STAG1: variants seen among roughly 807,000 people sequenced by gnomAD.
STAG1 encodes STAG1 cohesin complex component, also known as cohesin subunit SA-1.
In STAG1, 26 loss-of-function variants were observed where a neutral mutation model predicts 170.9. The observed-to-expected ratio is 0.15, with a 90% confidence interval of 0.11 to 0.21. The LOEUF (loss-of-function observed/expected upper bound fraction) is 0.21. Among genes scored for constraint, STAG1 ranks in the 10% least tolerant of loss-of-function variants. The pLI, the probability that STAG1 is intolerant of heterozygous loss-of-function variation, is 1.00. For synonymous variants in STAG1, 514 were observed against 497.7 expected (o/e 1.03, Z -0.44); for missense variants, 964 against 1,509.5 (o/e 0.64, Z 5.99).
At chr3:136,577,098 C>T (rs931501713) in intron 4 of STAG1, among the ~76,000 whole-genome samples, 1 of 152,166 alleles carries the variant, frequency 6.6e-6, no homozygotes, top group Non-Finnish European at 1.5e-5. Context: ...TGAAAGCTTA[C>T]ATGGCTGCTG....
intron 1 of STAG1, among the ~76,000 whole-genome samples, chr3:136,694,315 C>G (rs2107900799): frequency 6.6e-6 from 1 of 152,192 alleles, no homozygotes; most frequent in African/African-American, 2.4e-5. Context: ...CATGAGTACA[C>G]TGATAAAGAT....
At chr3:136,534,529 C>T (rs960695828) in intron 6 of STAG1, among the ~76,000 whole-genome samples, 4 of 151,656 alleles carry the variant, frequency 2.6e-5, no homozygotes, top group Non-Finnish European at 5.9e-5. Context: ...AAGACTAATA[C>T]TGAAAATAAA....
Position 136,425,368 on chromosome 3 carries a change from G to A in STAG1, c.1651-2324C>T, listed in dbSNP as rs572215235. On this transcript the variant is annotated intron_variant, in intron 16 of 33. Coordinates refer to ENST00000383202, the MANE Select transcript of STAG1 (RefSeq NM_005862.3). The stretch of plus-strand genomic sequence containing the variant: ...TAAAAGATTGGGGGGTGAGTGGGTG[G>A]AATGTGAAATATGAATATATATATC... Among the ~76,000 whole-genome samples, 37 of 152,172 alleles carry A rather than the reference G, an allele frequency of 2.4e-4. No homozygotes were observed. The South Asian group carries it at 7.1e-3, about 29-fold the overall frequency.
At chr3:136,389,777 C>T (rs111730376) in intron 22 of STAG1, among the ~76,000 whole-genome samples, 8,593 of 151,578 alleles carry the variant, frequency 0.057, 322 homozygotes, top group Non-Finnish European at 0.087. Context: ...ATCTTGGCCT[C>T]CCAAAGTTCT....
intron 4 of STAG1, among the ~76,000 whole-genome samples, chr3:136,596,285 G>A (rs925541102): frequency 5.3e-5 from 8 of 152,144 alleles, no homozygotes; most frequent in African/African-American, 1.9e-4. Context: ...AACTACCACA[G>A]CCACTTGATC....
chr3:136,701,932 C>T (rs1415527744), intron 1 of STAG1, among the ~76,000 whole-genome samples: 1 of 151,736 alleles, frequency 6.6e-6, no homozygotes, highest in Admixed American at 6.6e-5. Context: ...ATTTTAACTG[C>T]TAAGTCAAAC....
chr3:136,653,012 C>T (rs945052051), intron 1 of STAG1, among the ~76,000 whole-genome samples: 22 of 152,258 alleles, frequency 1.4e-4, no homozygotes, highest in African/African-American at 2.6e-4. Flanking sequence ...CAGTGGTTCA[C>T]GCCTGTAATC....
chr3:136,507,250 T>C (rs1387086067), intron 7 of STAG1, among the ~76,000 whole-genome samples: 1 of 152,252 alleles, frequency 6.6e-6, no homozygotes, highest in African/African-American at 2.4e-5. Context: ...TATTTGCATA[T>C]AACATGTTTA....
intron 30 of STAG1, 28 bp downstream of exon 30, chr3:136,343,804 G>T: frequency 6.7e-7 from 1 of 1,490,476 alleles, no homozygotes; most frequent in Non-Finnish European, 9.0e-7. Context: ...AAGGCTTTTT[G>T]TGAAAAAGAC....
At chr3:136,492,166 A>T (rs2090136598) in intron 9 of STAG1, among the ~76,000 whole-genome samples, 1 of 152,240 alleles carries the variant, frequency 6.6e-6, no homozygotes, top group South Asian at 2.1e-4. Context: ...ATACTTATGG[A>T]AATTAATGAT....
At chr3:136,603,652 A>C (rs1938792871) in intron 4 of STAG1, among the ~76,000 whole-genome samples, 1 of 152,292 alleles carries the variant, frequency 6.6e-6, no homozygotes, top group South Asian at 2.1e-4. Context: ...TGGGAGGCCG[A>C]GGCAGGTGGA....
At chr3:136,660,617 A>G (rs759822149) in intron 1 of STAG1, among the ~76,000 whole-genome samples, 1 of 152,178 alleles carries the variant, frequency 6.6e-6, no homozygotes, top group Non-Finnish European at 1.5e-5. Flanking sequence ...TGTGATAGAA[A>G]ATCCTGTTTC....
At chr3:136,610,587 T>C (rs917057439) in intron 3 of STAG1, among the ~76,000 whole-genome samples, 1 of 152,068 alleles carries the variant, frequency 6.6e-6, no homozygotes. Flanking sequence ...TCAAGGAAAA[T>C]TTGCCTCCAA....
intron 21 of STAG1, among the ~76,000 whole-genome samples, chr3:136,417,347 T>C (rs1399821325): frequency 6.6e-6 from 1 of 152,194 alleles, no homozygotes; most frequent in Non-Finnish European, 1.5e-5. Flanking sequence ...ACTCCTTCCT[T>C]TCTCATACTG....
At chr3:136,578,429 C>T (rs2107775064) in intron 4 of STAG1, among the ~76,000 whole-genome samples, 1 of 152,316 alleles carries the variant, frequency 6.6e-6, no homozygotes, top group South Asian at 2.1e-4. Flanking sequence ...AACTTTAGGC[C>T]TGGTAGGCAG....
chr3:136,677,020 T>C (rs569253707), intron 1 of STAG1, among the ~76,000 whole-genome samples: 1 of 152,260 alleles, frequency 6.6e-6, no homozygotes, highest in East Asian at 1.9e-4. Flanking sequence ...GAAGCTGTCA[T>C]CTCTTATGAT....
intron 1 of STAG1, among the ~76,000 whole-genome samples, chr3:136,740,853 T>C (rs1300220892): frequency 6.6e-6 from 1 of 152,184 alleles, no homozygotes; most frequent in Admixed American, 6.5e-5. Context: ...GTATGTAATC[T>C]AATTTGGTGA....
At chr3:136,551,243 G>C (rs1320235544) in intron 5 of STAG1, among the ~76,000 whole-genome samples, 3 of 147,054 alleles carry the variant, frequency 2.0e-5, no homozygotes, top group Non-Finnish European at 3.0e-5. Flanking sequence ...GAGAGAGAGA[G>C]AGAGAGAGAG....
intron 1 of STAG1, among the ~76,000 whole-genome samples, chr3:136,638,130 C>CT (rs34896224): frequency 0.031 from 4,445 of 142,348 alleles, 119 homozygotes; most frequent in African/African-American, 0.06. Context: ...GCTGCATTTT[C>CT]TTTTTTTTTT....
Sources: allele counts gnomAD v4.1 joint callset (sites outside exome capture counted in the v4.1 genomes callset), GRCh38; gene constraint gnomAD v4.1.1; transcripts MANE v1.5; gene names NCBI Gene and HGNC (gene_info 2026-07-23, HGNC 2026-07-21).